Variants in MMP28 observed in about 807,000 individuals in gnomAD.
MMP28 encodes the protein matrix metalloproteinase-28.
In MMP28, 55 loss-of-function variants were observed where a neutral mutation model predicts 60.5. The observed-to-expected ratio is 0.91, with a 90% CI of 0.73 to 1.14. The LOEUF is 1.14. Ranked by LOEUF, MMP28 falls within the 50% of genes most tolerant of loss-of-function variation. MMP28 has a pLI of 0.00. For missense variants in MMP28, 686 were observed against 738.3 expected (o/e 0.93, Z 0.82); for synonymous variants, 318 against 312.5 (o/e 1.02, Z -0.18).
intron 5 of MMP28, among the ~76,000 whole-genome samples, chr17:35,768,827 A>C (rs2086028998): frequency 6.6e-6 from 1 of 152,122 alleles, no homozygotes; most frequent in African/African-American, 2.4e-5. Context: ...AAAAAAAAAG[A>C]GTTGTTCCTG....
chr17:35,785,683 G>A (rs992695679), intron 1 of MMP28, among the ~76,000 whole-genome samples: 8 of 152,122 alleles, frequency 5.3e-5, no homozygotes, highest in African/African-American at 1.4e-4. Context: ...TCTTGACCTC[G>A]TGATCCGCCC....
At chr17:35,777,694 G>A (rs558184108) in intron 3 of MMP28, among the ~76,000 whole-genome samples, 1 of 152,346 alleles carries the variant, frequency 6.6e-6, no homozygotes, top group African/African-American at 2.4e-5. Flanking sequence ...TAGAAATCTT[G>A]AAAGCTGCAA....
Position 35,779,291 on chromosome 17 carries a change from T to A in MMP28, c.144A>T (p.Glu48Asp), listed in dbSNP as rs772754493. The change falls in exon 2 of 8, where the codon GAA becomes GAT. Residue 48 changes from glutamate to aspartate, a missense_variant. Coordinates refer to ENST00000605424, the MANE Select transcript of MMP28 (RefSeq NM_024302.5). Reference protein sequence around the residue: ...AFLEKYGYLNEQVPKAPTSTR... With the variant: ...AFLEKYGYLNDQVPKAPTSTR... ...TGGAGGTGGGAGCTTTGGGGACCTG[T>A]TCATTGAGGTATCCGTACTTCTCTA... 6.2e-7 allele frequency: 1 copy of A among 1,613,364 alleles called. No homozygotes were observed. The highest frequency in any genetic ancestry group is 1.1e-5 in the South Asian group (1 of 90,854).
At chr17:35,790,877 C>A (rs1019765258) in intron 1 of MMP28, among the ~76,000 whole-genome samples, 1 of 150,390 alleles carries the variant, frequency 6.6e-6, no homozygotes, top group African/African-American at 2.5e-5. Flanking sequence ...TTCCAATTCA[C>A]AAATGTATTA....
At chr17:35,778,218 T>C (rs2086389913) in intron 3 of MMP28, among the ~76,000 whole-genome samples, 1 of 152,026 alleles carries the variant, frequency 6.6e-6, no homozygotes, top group Admixed American at 6.6e-5. Context: ...CTGTAATGTG[T>C]AAACTGTGCT....
chr17:35,782,663 T>A (rs1236808835), intron 1 of MMP28, among the ~76,000 whole-genome samples: 2 of 152,214 alleles, frequency 1.3e-5, no homozygotes, highest in Non-Finnish European at 1.5e-5. Flanking sequence ...AAATGTACAC[T>A]ATTTTTGGAT....
intron 1 of MMP28, among the ~76,000 whole-genome samples, chr17:35,788,093 TG>T (rs1487512125): frequency 6.6e-6 from 1 of 150,970 alleles, no homozygotes. Flanking sequence ...TTTGTAGAGA[TG>T]GGGGTCTCTC....
At chr17:35,788,228 T>C (rs965416266) in intron 1 of MMP28, among the ~76,000 whole-genome samples, 1 of 152,152 alleles carries the variant, frequency 6.6e-6, no homozygotes, top group Non-Finnish European at 1.5e-5. Context: ...TTTTCTGCCC[T>C]TAAGGAAGAT....
chr17:35,761,646 C>T (rs1301813744), downstream of MMP28, among the ~76,000 whole-genome samples: 1 of 152,192 alleles, frequency 6.6e-6, no homozygotes, highest in Non-Finnish European at 1.5e-5. Context: ...TCTTCTCCGG[C>T]CTGGACCACT....
At chr17:35,762,637 T>C (rs1210645064), downstream of MMP28, among the ~76,000 whole-genome samples, 2 of 152,078 alleles carry the variant, frequency 1.3e-5, no homozygotes, top group African/African-American at 2.4e-5. Flanking sequence ...TTTTCCCAAT[T>C]GGTCTGCCCA....
downstream of MMP28, chr17:35,764,407 G>T (rs1555602292): frequency 2.0e-6 from 3 of 1,514,768 alleles, no homozygotes; most frequent in East Asian, 2.6e-5. Context: ...GGCACTGAGC[G>T]CCTGGTCCCC....
At position 35,779,070 on chromosome 17, in the gene MMP28, A is replaced by C. The variant is rs2086420935; in HGVS notation, c.197T>G (p.Phe66Cys). The stretch of plus-strand genomic sequence containing the variant: ...GACAGGTAGCTGGGACACCCACTGA[A>C]ACGCTCTGTCAGGAGGAAAGGACCG... ...STRFSDAIRAFQWVSQLPVSG... is the reference protein window; with the variant it reads ...STRFSDAIRACQWVSQLPVSG... The change falls in exon 3 of 8, where the codon TTT becomes TGT. Residue 66 changes from phenylalanine to cysteine, a missense_variant. By Grantham distance (205) the Phe-to-Cys change is radical (BLOSUM62 -2). Coordinates refer to ENST00000605424, the MANE Select transcript of MMP28 (RefSeq NM_024302.5). 1.2e-6 allele frequency: 2 copies of C among 1,613,844 alleles called. No individual in the cohort carries two copies. The highest frequency in any genetic ancestry group is 2.7e-5 in the African/African-American group (2 of 75,036).
At chr17:35,778,754 A>C (rs1376545060) in intron 3 of MMP28, 134 bp downstream of exon 3, 2 of 1,547,670 alleles carry the variant, frequency 1.3e-6, no homozygotes, top group East Asian at 4.6e-5. Context: ...AAGAGGTCCT[A>C]TTCACCCACT....
At chr17:35,790,904 T>A (rs927257846) in intron 1 of MMP28, among the ~76,000 whole-genome samples, 44 of 150,586 alleles carry the variant, frequency 2.9e-4, no homozygotes, top group South Asian at 2.1e-4. Context: ...TTTTTTTTTT[T>A]AAATGTGTAG....
intron 1 of MMP28, among the ~76,000 whole-genome samples, chr17:35,786,036 C>A (rs1272595801): frequency 6.6e-6 from 1 of 150,702 alleles, no homozygotes; most frequent in Non-Finnish European, 1.5e-5. Context: ...GGTAGGTGAG[C>A]GTGTAGTACT....
At chr17:35,775,524 C>T (rs957384809) in intron 3 of MMP28, among the ~76,000 whole-genome samples, 1 of 152,190 alleles carries the variant, frequency 6.6e-6, no homozygotes, top group South Asian at 2.1e-4. Flanking sequence ...CCCTGGAGTT[C>T]CGACTCCCAG....
intron 4 of MMP28, among the ~76,000 whole-genome samples, chr17:35,770,651 C>G (rs1555605250): frequency 6.6e-6 from 1 of 152,102 alleles, no homozygotes; most frequent in African/African-American, 2.4e-5. Flanking sequence ...TCTTAACTTC[C>G]TGATCTGCAA....
In MMP28 at chr17:35,769,104, A is replaced by G. The variant is rs2086038727; in HGVS notation, c.851-725T>C. Reference sequence around the variant, plus strand: ...GAGGGAAGCAGAGTCCAACAAGCTTATTATTTGGTACCATCACCTGAATCC... The same window carrying G: ...GAGGGAAGCAGAGTCCAACAAGCTTGTTATTTGGTACCATCACCTGAATCC... On this transcript the variant is annotated intron_variant, in intron 5 of 7. Coordinates refer to ENST00000605424, the MANE Select transcript of MMP28 (RefSeq NM_024302.5). Among the ~76,000 whole-genome samples the G allele has an allele frequency of 2.0e-5, 3 of 152,146 alleles. No homozygotes were observed. In the South Asian group the frequency reaches 6.2e-4, roughly 32 times the overall value.
In MMP28 at chr17:35,779,250, G is replaced by A. The variant is rs1555608574; in HGVS notation, c.185C>T (p.Ala62Val). 1.2e-6 allele frequency: 2 copies of A among 1,611,976 alleles called. No individual in the cohort carries two copies. Among genetic ancestry groups the A allele is most frequent in the Non-Finnish European group, 1.7e-6 (2 of 1,179,144 alleles). The change falls in exon 2 of 8, where the codon GCC becomes GTC. Residue 62 changes from alanine to valine, a missense_variant. By Grantham distance (64) the Ala-to-Val change is moderately conservative. Coordinates refer to ENST00000605424, the MANE Select transcript of MMP28 (RefSeq NM_024302.5). ...CCACATCCCTCCACCCTACCTGATG[G>A]CATCGCTGAATCGAGTGGAGGTGGG... ...KAPTSTRFSD[A>V]IRAFQWVSQL...
Sources: gnomAD v4.1 joint callset for allele counts (sites outside exome capture counted in the v4.1 genomes callset) on GRCh38, gnomAD v4.1.1 for gene constraint, MANE v1.5 for transcripts, NCBI Gene and HGNC (gene_info 2026-07-23, HGNC 2026-07-21) for gene names.